Variants in ITPR1 observed in about 807,000 individuals in gnomAD.
The protein encoded by ITPR1 is inositol 1,4,5-trisphosphate receptor type 1.
In ITPR1, 96 loss-of-function variants were observed where a neutral mutation model predicts 318.4. The ratio of observed to expected loss-of-function variants is 0.30; its 90% confidence interval spans 0.26 to 0.36. The LOEUF (loss-of-function observed/expected upper bound fraction) is 0.36, where lower values mean the gene tolerates loss of function less well. Ranked by LOEUF, ITPR1 falls within the 10% of genes least tolerant of loss-of-function variation. ITPR1 has a pLI of 1.00. For missense variants in ITPR1, 2,440 were observed against 3,460.2 expected, an observed-to-expected ratio of 0.71 and a Z score of 7.40; for synonymous variants, 1,312 against 1,289.9, an observed-to-expected ratio of 1.02 and a Z score of -0.37.
intron 4 of ITPR1, among the ~76,000 whole-genome samples, chr3:4,579,744 T>C (rs2089095450): frequency 6.6e-6 from 1 of 152,208 alleles, no homozygotes; most frequent in Admixed American, 6.5e-5. Flanking sequence ...TCAGATGGCA[T>C]GATGGGTTCT....
chr3:4,777,800 A>AC lies in ITPR1; in HGVS notation c.6291+429dup, dbSNP rs1377585188. On this transcript the variant is annotated intron_variant, in intron 48 of 61. Transcript: ENST00000649015. ...GCCTATCTAGGACCAAAAAAAAAAA[A>AC]CCCAAAAAAACAAACATGTATTTTT... 1.3e-5 allele frequency among the ~76,000 whole-genome samples: 2 copies of AC among 151,056 alleles called. 1 individual carries two copies. Among genetic ancestry groups the AC allele is most frequent in the Middle Eastern group, 6.9e-3 (2 of 288 alleles).
intron 22 of ITPR1, 123 bp from the exon 23 acceptor site, chr3:4,674,945 C>A (rs1374768996): frequency 1.8e-5 from 10 of 565,246 alleles, no homozygotes; most frequent in Non-Finnish European, 3.1e-5. Context: ...AAGGAAAATA[C>A]ATGCCTTCTC....
chr3:4,548,183 T>C (rs1160417918), intron 4 of ITPR1, among the ~76,000 whole-genome samples: 1 of 152,192 alleles, frequency 6.6e-6, no homozygotes, highest in African/African-American at 2.4e-5. Context: ...TAAATTGCAA[T>C]TGAGTTAAAA....
intron 51 of ITPR1, among the ~76,000 whole-genome samples, chr3:4,787,537 G>GAAGAAA (rs2047278627): frequency 7.7e-6 from 1 of 130,384 alleles, no homozygotes; most frequent in African/African-American, 2.9e-5. Context: ...AATACTGGAG[G>GAAGAAA]AAAAAAAAAA....
chr3:4,512,886 A>G (rs2081938158), intron 2 of ITPR1, among the ~76,000 whole-genome samples: 1 of 152,194 alleles, frequency 6.6e-6, no homozygotes. Context: ...GCAGAGAGCC[A>G]GGGTGGAGTG....
intron 60 of ITPR1, chr3:4,831,037 AC>A (rs1490598471): frequency 2.2e-6 from 1 of 455,742 alleles, no homozygotes; most frequent in Non-Finnish European, 4.4e-6. Context: ...AAAAAAAAAT[AC>A]CCCACTTCTC....
chr3:4,516,244 C>T (rs940466405), intron 2 of ITPR1, among the ~76,000 whole-genome samples: 5 of 152,180 alleles, frequency 3.3e-5, no homozygotes, highest in South Asian at 2.1e-4. Flanking sequence ...TTGTTAGAAA[C>T]AAATGTTACT....
At chr3:4,532,716 C>T (rs976470830) in intron 4 of ITPR1, among the ~76,000 whole-genome samples, 1 of 152,308 alleles carries the variant, frequency 6.6e-6, no homozygotes, top group African/African-American at 2.4e-5. Flanking sequence ...GCAAGGCTCT[C>T]GGGAGCCACT....
chr3:4,494,077 T>C (rs1391734971), intron 1 of ITPR1, among the ~76,000 whole-genome samples: 3 of 152,148 alleles, frequency 2.0e-5, no homozygotes, highest in Non-Finnish European at 2.9e-5. Context: ...AGGGATGAAG[T>C]GTGGACGAAG....
chr3:4,825,601 C>T, intron 60 of ITPR1: 1 of 395,762 alleles, frequency 2.5e-6, no homozygotes, highest in South Asian at 1.9e-5. Context: ...GACATCTGGC[C>T]CTTGTGCTTA....
intron 4 of ITPR1, among the ~76,000 whole-genome samples, chr3:4,561,648 C>CACCTTTCCCT (rs1559450555): frequency 2.0e-5 from 3 of 151,706 alleles, no homozygotes; most frequent in Non-Finnish European, 4.4e-5. Flanking sequence ...GGGTGGATTT[C>CACCTTTCCCT]GGATGGTGTT....
At position 4,665,125 on chromosome 3, in the gene ITPR1, T is replaced by G; in HGVS notation, c.1555-13T>G. The G allele has an allele frequency of 6.2e-7, 1 of 1,613,986 alleles. No homozygotes were observed. The highest frequency in any genetic ancestry group is 8.5e-7 in the Non-Finnish European group (1 of 1,179,840). On this transcript the variant is annotated splice_polypyrimidine_tract_variant and intron_variant, in intron 16 of 61. Coordinates refer to ENST00000649015, the MANE Select transcript of ITPR1 (RefSeq NM_001378452.1). ...AAGTGATTGCCATTTTTGCTTTTCA[T>G]TTTCACAAACAGATCTTCAAGTTGT...
chr3:4,541,952 CT>C (rs1366721467), intron 4 of ITPR1, among the ~76,000 whole-genome samples: 1 of 152,132 alleles, frequency 6.6e-6, no homozygotes, highest in Non-Finnish European at 1.5e-5. Flanking sequence ...ATCTCGCCAT[CT>C]TTTTCATCTT....
At chr3:4,796,936 G>A (rs2047936873) in intron 53 of ITPR1, among the ~76,000 whole-genome samples, 1 of 152,160 alleles carries the variant, frequency 6.6e-6, no homozygotes, top group South Asian at 2.1e-4. Flanking sequence ...GATCTCCAGA[G>A]CATGTGTTTC....
intron 51 of ITPR1, among the ~76,000 whole-genome samples, chr3:4,784,878 C>T (rs2047081811): frequency 6.6e-6 from 1 of 151,914 alleles, no homozygotes; most frequent in East Asian, 1.9e-4. Flanking sequence ...GCCAGGGCGA[C>T]AGAGCAAGCT....
intron 4 of ITPR1, among the ~76,000 whole-genome samples, chr3:4,567,373 G>A (rs2087416957): frequency 6.6e-6 from 1 of 152,168 alleles, no homozygotes; most frequent in African/African-American, 2.4e-5. Context: ...GGTTGGAGGG[G>A]GGATGATAAA....
chr3:4,766,979 G>A (rs1263734944), intron 45 of ITPR1, among the ~76,000 whole-genome samples: 1 of 152,214 alleles, frequency 6.6e-6, no homozygotes, highest in Non-Finnish European at 1.5e-5. Flanking sequence ...ATCTTTTCCT[G>A]TGATTCCTAT....
intron 44 of ITPR1, among the ~76,000 whole-genome samples, chr3:4,754,442 A>G (rs73807144): frequency 0.018 from 2,776 of 152,290 alleles, 87 homozygotes; most frequent in African/African-American, 0.062. Context: ...CCTCCTGGCC[A>G]CAGTTCCCAC....
At position 4,680,594 on chromosome 3, in the gene ITPR1, C is replaced by T. The variant is rs745742591; in HGVS notation, c.3009C>T (p.Leu1003=). The T allele has an allele frequency of 9.3e-6, 15 of 1,613,170 alleles. No homozygotes were observed. The South Asian group carries it at 1.6e-4, about 18-fold the overall frequency. The change falls in exon 25 of 62, where the codon CTC becomes CTT. Residue 1003 remains leucine (L), a synonymous_variant. Coordinates refer to ENST00000649015, the MANE Select transcript of ITPR1 (RefSeq NM_001378452.1). ...GGTTGGATTATAGGATCTCCTGCCT[C>T]CTGTGTATATTTAAGCGAGAGTTTG... ...NVRLDYRISC[L]LCIFKREFDE... is the part of the protein sequence containing the mutation.
Sources: allele counts gnomAD v4.1 joint callset (sites outside exome capture counted in the v4.1 genomes callset), GRCh38; gene constraint gnomAD v4.1.1; transcripts MANE v1.5; gene names NCBI Gene and HGNC (gene_info 2026-07-23, HGNC 2026-07-21).